The following SNTG1 variants were observed in gnomAD, a reference collection of about 807,000 sequenced individuals.
SNTG1 encodes gamma-1-syntrophin.
SNTG1 carries 39 observed loss-of-function variants against 74.7 expected under a neutral mutation model. That is an observed-to-expected ratio of 0.52 (90% CI 0.40 to 0.68). The LOEUF is 0.68. Among genes scored for constraint, SNTG1 ranks in the 30% least tolerant of loss-of-function variants. The pLI, the probability that SNTG1 is intolerant of heterozygous loss-of-function variation, is 0.00. For synonymous variants in SNTG1, 254 were observed against 217.1 expected, an observed-to-expected ratio of 1.17 and a Z score of -1.49; for missense variants, 685 against 609.5, an observed-to-expected ratio of 1.12 and a Z score of -1.30.
chr8:50,647,439 C>T (rs1324574454), intron 13 of SNTG1, among the ~76,000 whole-genome samples: 1 of 151,442 alleles, frequency 6.6e-6, no homozygotes, highest in African/African-American at 2.4e-5. Flanking sequence ...CACACACACA[C>T]ATATATATAT....
chr8:50,648,580 T>C (rs2095125000), intron 13 of SNTG1, among the ~76,000 whole-genome samples: 1 of 152,188 alleles, frequency 6.6e-6, no homozygotes, highest in Non-Finnish European at 1.5e-5. Context: ...TTTGTTAGAA[T>C]ACTTTTTTCC....
At chr8:50,175,300 G>A (rs142617983) in intron 2 of SNTG1, among the ~76,000 whole-genome samples, 162 of 152,300 alleles carry the variant, frequency 1.1e-3, no homozygotes, top group Non-Finnish European at 1.9e-3. Flanking sequence ...CGAAGCAGCA[G>A]CGAGTGATCT....
At chr8:50,103,668 C>G (rs1266674944) in intron 1 of SNTG1, among the ~76,000 whole-genome samples, 6 of 151,914 alleles carry the variant, frequency 3.9e-5, no homozygotes, top group South Asian at 4.1e-4. Context: ...TCCAGTTTTT[C>G]CCCATTCAGA....
At chr8:50,416,834 T>C (rs1322174855) in intron 4 of SNTG1, among the ~76,000 whole-genome samples, 1 of 149,492 alleles carries the variant, frequency 6.7e-6, no homozygotes, top group Non-Finnish European at 1.5e-5. Flanking sequence ...ATGTCATGGA[T>C]CCCATTACCC....
At chr8:50,177,252 T>C (rs1055301460) in intron 2 of SNTG1, among the ~76,000 whole-genome samples, 3 of 152,208 alleles carry the variant, frequency 2.0e-5, no homozygotes, top group African/African-American at 7.2e-5. Context: ...AGTGTCTCCC[T>C]GAGAGTGTGG....
Position 50,524,567 on chromosome 8 carries a change from G to C in SNTG1, c.467-5610G>C, listed in dbSNP as rs557587916. On this transcript the variant is annotated intron_variant, in intron 9 of 18. Transcript: ENST00000642720. Reference sequence around the variant, plus strand: ...TATCCCTTAAACCACTTGTATAGGTGTAGTTGTGATACAAATTCCACATCT... The same window carrying C: ...TATCCCTTAAACCACTTGTATAGGTCTAGTTGTGATACAAATTCCACATCT... Among the ~76,000 whole-genome samples the C allele has an allele frequency of 2.6e-3, 401 of 152,116 alleles. 2 individuals carry two copies. The highest frequency in any genetic ancestry group is 9.4e-3 in the African/African-American group (389 of 41,536).
At chr8:50,604,179 G>A (rs1057025559) in intron 13 of SNTG1, among the ~76,000 whole-genome samples, 2 of 152,190 alleles carry the variant, frequency 1.3e-5, no homozygotes, top group Non-Finnish European at 2.9e-5. Context: ...AGCACTTTGG[G>A]AGGCTGAGGC....
chr8:50,568,245 G>GTGTGTGTGTGTGTT (rs2094527277), intron 12 of SNTG1, among the ~76,000 whole-genome samples: 2 of 151,980 alleles, frequency 1.3e-5, no homozygotes, highest in Middle Eastern at 3.2e-3. Context: ...GTGTGTGTGT[G>GTGTGTGTGTGTGTT]TGTGTGTGCT....
chr8:50,411,662 G>T (rs1273279309), intron 4 of SNTG1, among the ~76,000 whole-genome samples: 2 of 151,986 alleles, frequency 1.3e-5, no homozygotes, highest in Admixed American at 6.6e-5. Flanking sequence ...AAATTGAAAA[G>T]ACAGTGCTGG....
chr8:50,669,057 T>C (rs559933474), intron 15 of SNTG1, among the ~76,000 whole-genome samples: 5 of 152,200 alleles, frequency 3.3e-5, no homozygotes, highest in Non-Finnish European at 4.4e-5. Context: ...GGAAAATTTA[T>C]AGCAATAAAT....
chr8:50,082,572 A>G (rs1053919411), intron 1 of SNTG1, among the ~76,000 whole-genome samples: 4 of 152,114 alleles, frequency 2.6e-5, no homozygotes, highest in Non-Finnish European at 5.9e-5. Context: ...GTTCATCTTA[A>G]GAGCGGTAAA....
intron 8 of SNTG1, among the ~76,000 whole-genome samples, chr8:50,482,651 A>G (rs1338054421): frequency 6.6e-6 from 1 of 152,112 alleles, no homozygotes; most frequent in African/African-American, 2.4e-5. Flanking sequence ...AGAGAGACAG[A>G]GCTTGAATTC....
At chr8:49,924,963 A>G (rs1243934384) in intron 1 of SNTG1, among the ~76,000 whole-genome samples, 1 of 151,932 alleles carries the variant, frequency 6.6e-6, no homozygotes, top group African/African-American at 2.4e-5. Context: ...CAGCCTGGAC[A>G]ACAAAGTGAG....
chr8:50,149,242 G>GT (rs964886911), intron 1 of SNTG1, among the ~76,000 whole-genome samples: 1 of 152,076 alleles, frequency 6.6e-6, no homozygotes, highest in Non-Finnish European at 1.5e-5. Flanking sequence ...GGGGTTGTTT[G>GT]TTTTTTTCTC....
At chr8:50,400,945 G>T (rs2092796403) in intron 3 of SNTG1, among the ~76,000 whole-genome samples, 1 of 151,790 alleles carries the variant, frequency 6.6e-6, no homozygotes, top group African/African-American at 2.4e-5. Flanking sequence ...TGGAAGAGAG[G>T]GTTTTGAATG....
intron 15 of SNTG1, among the ~76,000 whole-genome samples, chr8:50,681,139 T>G (rs2095329258): frequency 6.6e-6 from 1 of 152,192 alleles, no homozygotes; most frequent in Admixed American, 6.5e-5. Flanking sequence ...TAAAATTTTA[T>G]CAAATTTGAG....
At chr8:50,464,905 A>C (rs2093596231) in intron 8 of SNTG1, among the ~76,000 whole-genome samples, 2 of 151,812 alleles carry the variant, frequency 1.3e-5, no homozygotes, top group African/African-American at 4.8e-5. Flanking sequence ...ATATTGTGAA[A>C]ATTACCAAAC....
rs1462017157 is a variant in SNTG1 at position 49,950,568 on chromosome 8, A to G, written c.-103+38337A>G. 2.0e-5 allele frequency among the ~76,000 whole-genome samples: 3 copies of G among 152,210 alleles called. 1 individual carries two copies. Among genetic ancestry groups the G allele is most frequent in the Non-Finnish European group, 4.4e-5 (3 of 68,036 alleles). ...TAACTAATTTTCATACCATTATACT[A>G]TACTAATTACTGTGCTAATTCATCT... On this transcript the variant is annotated intron_variant, in intron 1 of 18. Transcript: ENST00000642720.
At chr8:50,095,057 G>A (rs1373560588) in intron 1 of SNTG1, among the ~76,000 whole-genome samples, 3 of 152,120 alleles carry the variant, frequency 2.0e-5, no homozygotes, top group Non-Finnish European at 4.4e-5. Context: ...TGCAGAAACA[G>A]AAAACCAAAT....
Sources: gnomAD v4.1 joint callset for allele counts (sites outside exome capture counted in the v4.1 genomes callset) on GRCh38, gnomAD v4.1.1 for gene constraint, MANE v1.5 for transcripts, NCBI Gene and HGNC (gene_info 2026-07-23, HGNC 2026-07-21) for gene names.